Variants in GJC1 observed in about 807,000 individuals in gnomAD.
The protein encoded by GJC1 is gap junction gamma-1 protein.
Under a neutral mutation model 29.3 loss-of-function variants are expected in GJC1, and 5 were observed. The ratio of observed to expected loss-of-function variants is 0.17; its 90% CI spans 0.09 to 0.36. The LOEUF (loss-of-function observed/expected upper bound fraction) is 0.36, where lower values mean the gene tolerates loss of function less well. Ranked by LOEUF, GJC1 falls within the 10% of genes least tolerant of loss-of-function variation. GJC1 has a pLI of 1.00. For missense variants in GJC1, 310 were observed against 496.2 expected (o/e 0.62, Z 3.56); for synonymous variants, 177 against 183.3 (o/e 0.97, Z 0.28).
chr17:44,822,570 G>A (rs1365340766), intron 1 of GJC1, among the ~76,000 whole-genome samples: 1 of 149,988 alleles, frequency 6.7e-6, no homozygotes, highest in Non-Finnish European at 1.5e-5. Context: ...CTGAAACCGG[G>A]AGGCAGAGGT....
chr17:44,805,218 G>C lies in GJC1; in HGVS notation c.600C>G (p.Gly200=), dbSNP rs751010778. The C allele has an allele frequency of 1.9e-6, 3 of 1,614,154 alleles. No homozygotes were observed. Among genetic ancestry groups the C allele is most frequent in the Non-Finnish European group, 2.5e-6 (3 of 1,180,026 alleles). ...ACACATAAAACGGGTGGACTTGGAA[G>C]CCATACAGAAAATACTGCCCTATCA... is the stretch of plus-strand genomic sequence containing the variant. The part of the protein sequence containing the change: ...GFLIGQYFLY[G]FQVHPFYVCS... Residue 200 remains glycine (G), a synonymous_variant, in exon 3 of 3, where the codon GGC becomes GGG. Transcript: ENST00000592524. This position sits in a 1 kb window ranked among gnomAD's most constrained non-coding sequence, Gnocchi z 5.1.
At chr17:44,797,819 C>T (rs1372514394), downstream of GJC1, 1 of 152,198 alleles carries the variant, frequency 6.6e-6, no homozygotes, top group East Asian at 1.9e-4. Flanking sequence ...TTAACTGCTC[C>T]AATAGCGTTC....
At chr17:44,794,492 G>A (rs907052102), downstream of GJC1, 4 of 152,216 alleles carry the variant, frequency 2.6e-5, no homozygotes, top group African/African-American at 9.6e-5. Context: ...TCTAACATCA[G>A]TCTCTGCCTG....
Position 44,823,246 on chromosome 17 carries a change from C to CTGTT in GJC1, c.-97+6812_-97+6815dup, listed in dbSNP as rs1165772873. ...CTCTGAAACCCTATGCATTTCTTTC[C>CTGTT]TGTTTTTTTTTTTTTTTTTTTTTTA... On this transcript the variant is annotated intron_variant, in intron 1 of 2. Coordinates refer to ENST00000592524, the MANE Select transcript of GJC1 (RefSeq NM_005497.4). Among the ~76,000 whole-genome samples, 314 of 123,830 alleles carry CTGTT rather than the reference C, an allele frequency of 2.5e-3. 1 individual carries two copies. Among genetic ancestry groups the CTGTT allele is most frequent in the African/African-American group, 9.0e-3 (289 of 32,214 alleles). The allele number at this position is 123,830 out of a possible 152,430, so 81.2% of individuals were successfully genotyped here.
chr17:44,813,257 G>A (rs77189254), intron 1 of GJC1: 14,570 of 150,872 alleles, frequency 0.097, 838 homozygotes, highest in East Asian at 0.14. Context: ...ATGGGGTTTC[G>A]CCCCGTTGGC....
At chr17:44,824,296 G>A (rs1167829492) in intron 1 of GJC1, among the ~76,000 whole-genome samples, 1 of 151,924 alleles carries the variant, frequency 6.6e-6, no homozygotes, top group Non-Finnish European at 1.5e-5. Context: ...GTGAGCCACC[G>A]CACCCGGCCT....
rs1251168113 is a variant in GJC1 at position 44,805,200 on chromosome 17, A to G, written c.618T>C (p.Phe206=). Residue 206 remains phenylalanine (F), a synonymous_variant, in exon 3 of 3, where the codon TTT becomes TTC. Coordinates refer to ENST00000592524, the MANE Select transcript of GJC1 (RefSeq NM_005497.4). This position sits in a 1 kb window ranked among gnomAD's most constrained non-coding sequence, Gnocchi z 5.1. ...YFLYGFQVHP[F]YVCSRLPCPH... ...GACAAGGAAGTCTGCTGCACACATA[A>G]AACGGGTGGACTTGGAAGCCATACA... 3 of 1,614,112 alleles carry G rather than the reference A, an allele frequency of 1.9e-6. No homozygotes were observed. Among genetic ancestry groups the G allele is most frequent in the Non-Finnish European group, 2.5e-6 (3 of 1,180,010 alleles).
chr17:44,812,175 G>T (rs2049990434), intron 1 of GJC1, among the ~76,000 whole-genome samples: 1 of 151,622 alleles, frequency 6.6e-6, no homozygotes, highest in Non-Finnish European at 1.5e-5. Flanking sequence ...TTAGCCGGGT[G>T]TGGTGGTACA....
chr17:44,796,349 C>T (rs1274211236), downstream of GJC1, among the ~76,000 whole-genome samples: 4 of 152,154 alleles, frequency 2.6e-5, no homozygotes, highest in African/African-American at 9.7e-5. Context: ...GCACACTCTT[C>T]CATCAACCCT....
At chr17:44,827,005 C>T (rs897816573) in intron 1 of GJC1, among the ~76,000 whole-genome samples, 1 of 152,086 alleles carries the variant, frequency 6.6e-6, no homozygotes, top group Non-Finnish European at 1.5e-5. Context: ...CTCAAAGGAA[C>T]GGTCTTACAA....
intron 1 of GJC1, among the ~76,000 whole-genome samples, chr17:44,822,535 C>A (rs1038129671): frequency 4.0e-4 from 60 of 149,050 alleles, no homozygotes; most frequent in African/African-American, 1.4e-3. Context: ...CTCAGCTACT[C>A]GGGAGGCTGA....
upstream of GJC1, chr17:44,830,512 C>G: frequency 5.0e-6 from 2 of 396,420 alleles, no homozygotes; most frequent in East Asian, 3.6e-5. The surrounding 1 kb of genome is among the most constrained non-coding windows in gnomAD (Gnocchi z 4.3). Flanking sequence ...GAGTCTGGAC[C>G]CCGGGTGGGC....
rs1192546895 is a variant in GJC1, at chr17:44,800,619, A to AT, written c.*4007dup. 1 of 152,222 alleles carries AT rather than the reference A, an allele frequency of 6.6e-6. No individual in the cohort carries two copies. The highest frequency in any genetic ancestry group is 1.5e-5 in the Non-Finnish European group (1 of 68,040). The allele number at this position is 152,222 out of a possible 1,614,324, so 9.4% of individuals were successfully genotyped here. A position where few individuals can be genotyped will look rare whatever the true frequency, so the allele number is the denominator to read the frequency against. On this transcript the variant is annotated 3_prime_UTR_variant, in exon 3 of 3. Transcript: ENST00000592524. The stretch of plus-strand genomic sequence containing the variant: ...CTTGTAGAAGCTGAACGAGTAAATC[A>AT]TGAGTGTAACTGATAACATGTAAGT...
Position 44,801,902 on chromosome 17 carries a change from G to GC in GJC1, c.*2724dup, listed in dbSNP as rs1427429077. On this transcript the variant is annotated 3_prime_UTR_variant, in exon 3 of 3. Coordinates refer to ENST00000592524, the MANE Select transcript of GJC1 (RefSeq NM_005497.4). Reference sequence around the variant, plus strand: ...TTACAGGTGTGAGCCACCGCGCCTGGCCCATTTTCTTAATGTAAGTCCACA... The same window carrying GC: ...TTACAGGTGTGAGCCACCGCGCCTGGCCCCATTTTCTTAATGTAAGTCCACA... 1 of 152,136 alleles carries GC rather than the reference G, an allele frequency of 6.6e-6. No homozygotes were observed. Among genetic ancestry groups the GC allele is most frequent in the Non-Finnish European group, 1.5e-5 (1 of 68,068 alleles). 9.4% of individuals were successfully genotyped at this position (152,136 alleles called of 1,614,324 possible). A position where few individuals can be genotyped will look rare whatever the true frequency, so the allele number is the denominator to read the frequency against.
At position 44,830,066 on chromosome 17, in the gene GJC1, C is replaced by CG. The variant is rs1207630374; in HGVS notation, c.-102dup. 6.6e-6 allele frequency: 1 copy of CG among 152,336 alleles called. No individual in the cohort carries two copies. Among genetic ancestry groups the CG allele is most frequent in the Non-Finnish European group, 1.5e-5 (1 of 68,028 alleles). 9.4% of individuals were successfully genotyped at this position (152,336 alleles called of 1,614,324 possible). On this transcript the variant is annotated 5_prime_UTR_variant, in exon 1 of 3. Coordinates refer to ENST00000592524, the MANE Select transcript of GJC1 (RefSeq NM_005497.4). The surrounding 1 kb of genome is among the most constrained non-coding windows in gnomAD (Gnocchi z 4.3). ...GGCCCTGCGGCCGCCCCTCACCCGG[C>CG]GGCGGGTTCCCCCGGAGCCGCCTCC... is the stretch of plus-strand genomic sequence containing the variant.
At chr17:44,795,279 G>A (rs189457472), downstream of GJC1, among the ~76,000 whole-genome samples, 20 of 152,286 alleles carry the variant, frequency 1.3e-4, no homozygotes, top group Admixed American at 1.3e-3. Context: ...CCAGGCTGGA[G>A]TGCAGTGGTG....
chr17:44,828,839 C>G (rs1355215717), intron 1 of GJC1, among the ~76,000 whole-genome samples: 1 of 151,964 alleles, frequency 6.6e-6, no homozygotes, highest in Non-Finnish European at 1.5e-5. Context: ...TACCTAAACC[C>G]TCTCTAGGGA....
rs201266622 is a variant in GJC1 at position 44,804,685 on chromosome 17, G to C, written c.1133C>G (p.Ser378Cys). The C allele has an allele frequency of 4.3e-6, 7 of 1,614,156 alleles. No individual in the cohort carries two copies. The highest frequency in any genetic ancestry group is 5.9e-6 in the Non-Finnish European group (7 of 1,180,020). ...KKAKVGSKAG[S>C]NKSTASSKSG... ...TTTGCTACTGGCAGTGCTTTTGTTG[G>C]ACCCAGCTTTGGACCCCACTTTGGC... The change falls in exon 3 of 3, where the codon TCC becomes TGC. Residue 378 changes from serine (S) to cysteine (C), a missense_variant. Transcript: ENST00000592524.
Position 44,800,284 on chromosome 17 carries a change from ATTT to A in GJC1, c.*4340_*4342del, listed in dbSNP as rs2049827773. On this transcript the variant is annotated 3_prime_UTR_variant, in exon 3 of 3. Coordinates refer to ENST00000592524, the MANE Select transcript of GJC1 (RefSeq NM_005497.4). ...CCACCACGCCCGGCTAATTTTTGGTATTTTTAGTAGAGACGGGGTTTCACCATG... is the reference window on the plus strand; with the variant it reads ...CCACCACGCCCGGCTAATTTTTGGTATTAGTAGAGACGGGGTTTCACCATG... 11 of 152,122 alleles carry A rather than the reference ATTT, an allele frequency of 7.2e-5. No individual in the cohort carries two copies. In the South Asian group the frequency reaches 2.3e-3, roughly 32 times the overall value. The allele number at this position is 152,122 out of a possible 1,614,324, so 9.4% of individuals were successfully genotyped here. A position where few individuals can be genotyped will look rare whatever the true frequency, so the allele number is the denominator to read the frequency against.
Sources: gnomAD v4.1 joint callset for allele counts (sites outside exome capture counted in the v4.1 genomes callset) on GRCh38, gnomAD v4.1.1 for gene constraint, Gnocchi (gnomAD v3.1) non-coding constraint, MANE v1.5 for transcripts, NCBI Gene and HGNC (gene_info 2026-07-23, HGNC 2026-07-21) for gene names.